ADAMTS2: variants seen among roughly 807,000 people sequenced by gnomAD.
ADAMTS2 encodes the protein A disintegrin and metalloproteinase with thrombospondin motifs 2.
A neutral mutation model predicts 123.0 loss-of-function variants in ADAMTS2; 50 were observed. That is an observed-to-expected ratio of 0.41 (90% confidence interval 0.32 to 0.51). ADAMTS2 has a LOEUF of 0.51. Among genes scored for constraint, ADAMTS2 ranks in the 20% least tolerant of loss-of-function variants. The pLI, the probability that ADAMTS2 is intolerant of heterozygous loss-of-function variation, is 0.35. For missense variants in ADAMTS2, 1,494 were observed against 1,705.2 expected, an observed-to-expected ratio of 0.88 and a Z score of 2.18; for synonymous variants, 678 against 695.4, an observed-to-expected ratio of 0.98 and a Z score of 0.39.
chr5:179,130,170 G>A lies in ADAMTS2; in HGVS notation c.2291-72C>T, dbSNP rs77490003. The A allele has an allele frequency of 1.9e-3, 3,007 of 1,596,484 alleles. 51 individuals are homozygous for A. In the African/African-American group the frequency reaches 0.033, roughly 17 times the overall value. On this transcript the variant is annotated intron_variant, in intron 15 of 21. Coordinates refer to ENST00000251582, the MANE Select transcript of ADAMTS2 (RefSeq NM_014244.5). This position sits in a 1 kb window ranked among gnomAD's most constrained non-coding sequence, Gnocchi z 4.3. ...GGACCCAGGCCCACTGGTTTGGGCT[G>A]GTCGGGGAGTGGGGGCAGCTAGCTG...
At chr5:179,280,989 C>A (rs1402237691) in intron 2 of ADAMTS2, among the ~76,000 whole-genome samples, 1 of 152,148 alleles carries the variant, frequency 6.6e-6, no homozygotes, top group Non-Finnish European at 1.5e-5. Flanking sequence ...TCCCAAGTAA[C>A]TGGGATTACT....
rs951714266 is a variant in ADAMTS2 at position 179,242,153 on chromosome 5, G to A, written c.688+30758C>T. On this transcript the variant is annotated intron_variant, in intron 3 of 21. Coordinates refer to ENST00000251582, the MANE Select transcript of ADAMTS2 (RefSeq NM_014244.5). The surrounding 1 kb of genome is among the most constrained non-coding windows in gnomAD (Gnocchi z 4.2). ...CTCAGTAAGCTCACAGCGTAGGCCTGGGGCTGCGTATGTGAAGAGCCAATC... is the reference window on the plus strand; with the variant it reads ...CTCAGTAAGCTCACAGCGTAGGCCTAGGGCTGCGTATGTGAAGAGCCAATC... Among the ~76,000 whole-genome samples, 8 of 152,196 alleles carry A rather than the reference G, an allele frequency of 5.3e-5. No homozygotes were observed. The highest frequency in any genetic ancestry group is 1.4e-4 in the African/African-American group (6 of 41,444).
intron 7 of ADAMTS2, among the ~76,000 whole-genome samples, chr5:179,154,602 T>G (rs956501832): frequency 7.2e-5 from 11 of 152,192 alleles, no homozygotes; most frequent in Non-Finnish European, 1.3e-4. Context: ...GCCTGCTCAG[T>G]CTGCAGGCAA....
At chr5:179,261,727 G>A (rs1766229712) in intron 3 of ADAMTS2, among the ~76,000 whole-genome samples, 1 of 152,194 alleles carries the variant, frequency 6.6e-6, no homozygotes, top group Non-Finnish European at 1.5e-5. Context: ...AGGCCTAGAG[G>A]CAGCCACACA....
chr5:179,211,029 T>C (rs1006471296), intron 3 of ADAMTS2, among the ~76,000 whole-genome samples: 1 of 152,258 alleles, frequency 6.6e-6, no homozygotes, highest in African/African-American at 2.4e-5. Context: ...CTGAGTCGTC[T>C]TCCTAGTGAT....
Position 179,129,984 on chromosome 5 carries a change from C to A in ADAMTS2, c.2405G>T (p.Gly802Val), listed in dbSNP as rs1469579942. 1.2e-6 allele frequency: 2 copies of A among 1,614,102 alleles called. No homozygotes were observed. The highest frequency in any genetic ancestry group is 1.7e-6 in the Non-Finnish European group (2 of 1,180,036). ...GCCCATGGTCTGCAGCGTCTCCCGGCCGTCCTCGTCTCTGTACTCCCACTC... is the reference window on the plus strand; with the variant it reads ...GCCCATGGTCTGCAGCGTCTCCCGGACGTCCTCGTCTCTGTACTCCCACTC... ...GVEWEYRDED[G>V]RETLQTMGPL... is the part of the protein sequence containing the mutation. Residue 802 changes from glycine to valine, a missense_variant, in exon 16 of 22, where the codon GGC becomes GTC. By Grantham distance (109) the Gly-to-Val change is moderately radical. Transcript: ENST00000251582. The surrounding 1 kb of genome is among the most constrained non-coding windows in gnomAD (Gnocchi z 4.1).
At chr5:179,245,765 C>CAAAAAAAAAAAAAAAA (rs1171837041) in intron 3 of ADAMTS2, among the ~76,000 whole-genome samples, 2 of 17,210 alleles carry the variant, frequency 1.2e-4, no homozygotes, top group African/African-American at 1.7e-4. Flanking sequence ...GACTCCGTCT[C>CAAAAAAAAAAAAAAAA]AAAAAAAAAA....
chr5:179,194,133 G>A (rs1380112722), intron 4 of ADAMTS2, among the ~76,000 whole-genome samples: 1 of 152,202 alleles, frequency 6.6e-6, no homozygotes, highest in African/African-American at 2.4e-5. Flanking sequence ...ACAGGATGCT[G>A]GGAGGCTTCC....
At chr5:179,297,648 C>T (rs763311528) in intron 2 of ADAMTS2, among the ~76,000 whole-genome samples, 2 of 152,122 alleles carry the variant, frequency 1.3e-5, no homozygotes, top group Non-Finnish European at 2.9e-5. Context: ...ATAATGCCAA[C>T]TCCCCACCCC....
In ADAMTS2 at chr5:179,315,038, AC is replaced by A. The variant is rs372515045; in HGVS notation, c.534+28728del. Among the ~76,000 whole-genome samples the A allele has an allele frequency of 2.1e-4, 20 of 95,926 alleles. 1 individual carries two copies. The highest frequency in any genetic ancestry group is 1.5e-4 in the Non-Finnish European group (7 of 46,306). 62.9% of individuals were successfully genotyped at this position (95,926 alleles called of 152,430 possible). A position where few individuals can be genotyped will look rare whatever the true frequency, so the allele number is the denominator to read the frequency against. On this transcript the variant is annotated intron_variant, in intron 2 of 21. Transcript: ENST00000251582. ...GAAGTGGTACTGGATTCCTACACCC[AC>A]CCCCCCCACAATCCCCAAGGCCCCA...
intron 10 of ADAMTS2, among the ~76,000 whole-genome samples, chr5:179,147,341 G>A (rs1392893600): frequency 2.0e-5 from 3 of 152,084 alleles, no homozygotes; most frequent in Non-Finnish European, 4.4e-5. Context: ...CGCCCACCTC[G>A]GCCTCCCAAA....
At position 179,155,044 on chromosome 5, in the gene ADAMTS2, C is replaced by T; in HGVS notation, c.1133-125G>A. 1.2e-6 allele frequency: 1 copy of T among 844,978 alleles called. No homozygotes were observed. Among genetic ancestry groups the T allele is most frequent in the Non-Finnish European group, 2.0e-6 (1 of 507,658 alleles). The allele number at this position is 844,978 out of a possible 1,614,324, so 52.3% of individuals were successfully genotyped here. A position where few individuals can be genotyped will look rare whatever the true frequency, so the allele number is the denominator to read the frequency against. ...ATGCCCTCTCTACCACAGGCAACTG[C>T]CCCCGGCTGGCACAGCTCAGAAGAC... is the stretch of plus-strand genomic sequence containing the variant. On this transcript the variant is annotated intron_variant, in intron 6 of 21. Transcript: ENST00000251582. The surrounding 1 kb of genome is among the most constrained non-coding windows in gnomAD (Gnocchi z 5.1).
intron 3 of ADAMTS2, among the ~76,000 whole-genome samples, chr5:179,271,251 G>A (rs1211013050): frequency 6.6e-6 from 1 of 152,200 alleles, no homozygotes; most frequent in East Asian, 1.9e-4. Context: ...GGGCTGCCAT[G>A]TTCAGGAAGA....
At chr5:179,245,627 G>C (rs970717237) in intron 3 of ADAMTS2, among the ~76,000 whole-genome samples, 1 of 149,864 alleles carries the variant, frequency 6.7e-6, no homozygotes, top group African/African-American at 2.5e-5. Context: ...TTAGCCGGGC[G>C]TGGTAGCGGG....
rs1763913343 is a variant in ADAMTS2, at chr5:179,175,633, G to T, written c.975+5439C>A. 6.6e-6 allele frequency among the ~76,000 whole-genome samples: 1 copy of T among 152,142 alleles called. No individual in the cohort carries two copies. The highest frequency in any genetic ancestry group is 2.4e-5 in the African/African-American group (1 of 41,442). On this transcript the variant is annotated intron_variant, in intron 5 of 21. Transcript: ENST00000251582. The surrounding 1 kb of genome is among the most constrained non-coding windows in gnomAD (Gnocchi z 4.1). ...GAAGCTACTGATTTTTTAAACAATG[G>T]TCTGATATTTGGCCACATCACCAGA...
intron 4 of ADAMTS2, among the ~76,000 whole-genome samples, chr5:179,187,282 C>A (rs1299673303): frequency 6.6e-6 from 1 of 152,232 alleles, no homozygotes; most frequent in African/African-American, 2.4e-5. Flanking sequence ...CAGTTCCTGG[C>A]GTGACCTCCA....
intron 5 of ADAMTS2, among the ~76,000 whole-genome samples, chr5:179,167,171 C>A (rs1224434003): frequency 6.6e-6 from 1 of 152,178 alleles, no homozygotes; most frequent in Non-Finnish European, 1.5e-5. Context: ...TGACGAACTG[C>A]GTCTCAGACA....
chr5:179,193,946 C>T lies in ADAMTS2; in HGVS notation c.892-12791G>A, dbSNP rs1174951059. 6.6e-5 allele frequency among the ~76,000 whole-genome samples: 10 copies of T among 152,184 alleles called. No homozygotes were observed. The South Asian group carries it at 2.1e-3, about 32-fold the overall frequency. On this transcript the variant is annotated intron_variant, in intron 4 of 21. Transcript: ENST00000251582. ...AGGTCAGCCCGACAGCCCGGCGTGG[C>T]ACATCATCGCCTCTGTTCTTGTGGT...
intron 3 of ADAMTS2, among the ~76,000 whole-genome samples, chr5:179,245,602 TA>T (rs1765767830): frequency 6.7e-6 from 1 of 148,646 alleles, no homozygotes; most frequent in Non-Finnish European, 1.5e-5. Context: ...CCGTCTCTAC[TA>T]AAAATACAAA....
Sources: allele counts gnomAD v4.1 joint callset (sites outside exome capture counted in the v4.1 genomes callset), GRCh38; gene constraint gnomAD v4.1.1; non-coding constraint Gnocchi (gnomAD v3.1); transcripts MANE v1.5; gene names NCBI Gene and HGNC (gene_info 2026-07-23, HGNC 2026-07-21).